The following THBS4 variants were observed in gnomAD, a reference collection of about 807,000 sequenced individuals.
The protein encoded by THBS4 is thrombospondin 4.
A neutral mutation model predicts 115.7 loss-of-function variants in THBS4; 90 were observed. The ratio of observed to expected loss-of-function variants is 0.78; its 90% confidence interval spans 0.66 to 0.93. THBS4 has a LOEUF of 0.93. Ranked by LOEUF, THBS4 falls within the 40% of genes least tolerant of loss-of-function variation. The probability of loss-of-function intolerance (pLI) is 0.00; values close to 1 mark genes in which losing one functional copy is unlikely to be tolerated. For synonymous variants in THBS4, 460 were observed against 479.3 expected (o/e 0.96, Z 0.53); for missense variants, 1,087 against 1,232.7 (o/e 0.88, Z 1.77).
intron 2 of THBS4, among the ~76,000 whole-genome samples, chr5:80,044,250 T>A (rs1394337606): frequency 6.6e-6 from 1 of 152,168 alleles, no homozygotes; most frequent in Non-Finnish European, 1.5e-5. Flanking sequence ...CCCTTATCTT[T>A]GCATCTGCTG....
chr5:79,997,696 A>C (rs79236442), intron 1 of THBS4, among the ~76,000 whole-genome samples: 2 of 152,206 alleles, frequency 1.3e-5, no homozygotes, highest in Non-Finnish European at 2.9e-5. Context: ...ACAGCAGAAC[A>C]TACATTATTT....
At chr5:80,052,765 G>A (rs1833294935) in intron 2 of THBS4, 1 of 152,216 alleles carries the variant, frequency 6.6e-6, no homozygotes, top group Non-Finnish European at 1.5e-5. Flanking sequence ...CTAATGTGGA[G>A]AAAGCCTTAA....
chr5:80,065,517 G>A (rs200445810), intron 9 of THBS4, 40 bp downstream of exon 9: 24 of 1,576,910 alleles, frequency 1.5e-5, no homozygotes, highest in African/African-American at 9.4e-5. Context: ...AAGCAGAACC[G>A]GTTATTAAAA....
chr5:80,045,484 T>G (rs983696436), intron 2 of THBS4, among the ~76,000 whole-genome samples: 2 of 150,782 alleles, frequency 1.3e-5, no homozygotes, highest in African/African-American at 2.4e-5. Context: ...CAATAATAAG[T>G]GGAAAAAATG....
chr5:79,996,006 G>A (rs372532477), intron 1 of THBS4, among the ~76,000 whole-genome samples: 81 of 151,468 alleles, frequency 5.3e-4, no homozygotes, highest in African/African-American at 1.4e-3. Flanking sequence ...ATGTGGTGGC[G>A]CACACCTGTA....
intron 2 of THBS4, among the ~76,000 whole-genome samples, chr5:80,042,985 A>T (rs1832953812): frequency 6.6e-6 from 1 of 152,118 alleles, no homozygotes; most frequent in African/African-American, 2.4e-5. Context: ...AAGAAAAAAA[A>T]AATTAGAGGA....
chr5:80,028,254 T>C (rs1832519002), intron 2 of THBS4, among the ~76,000 whole-genome samples: 1 of 151,994 alleles, frequency 6.6e-6, no homozygotes. Context: ...CACTTCCTAT[T>C]CTGTCATCCT....
chr5:79,992,611 C>A (rs1020086864), intron 1 of THBS4, among the ~76,000 whole-genome samples: 2 of 152,252 alleles, frequency 1.3e-5, no homozygotes, highest in South Asian at 4.2e-4. Flanking sequence ...TTAAAACTGT[C>A]GAAACATTTA....
chr5:80,028,846 T>C (rs1245998804), intron 2 of THBS4, among the ~76,000 whole-genome samples: 1 of 152,142 alleles, frequency 6.6e-6, no homozygotes, highest in Non-Finnish European at 1.5e-5. Context: ...ATACTAGTGT[T>C]CCCCAGTGTT....
At chr5:80,044,426 T>G (rs554113296) in intron 2 of THBS4, among the ~76,000 whole-genome samples, 20 of 151,706 alleles carry the variant, frequency 1.3e-4, no homozygotes, top group African/African-American at 4.8e-4. Context: ...AAAAAAAAAT[T>G]ATTTATTTAT....
intron 1 of THBS4, among the ~76,000 whole-genome samples, chr5:79,995,667 A>G (rs1401006305): frequency 6.6e-6 from 1 of 152,188 alleles, no homozygotes; most frequent in Admixed American, 6.5e-5. Flanking sequence ...GAGCTTGAGC[A>G]GCGGGGCTGG....
upstream of THBS4, chr5:80,033,285 G>A (rs551604349): frequency 5.8e-5 from 20 of 342,896 alleles, no homozygotes; most frequent in African/African-American, 3.1e-4. Flanking sequence ...CCAGCAGCAC[G>A]TGGTGCATTG....
At chr5:80,079,784 C>T in intron 19 of THBS4, 121 bp from the exon 20 acceptor site, 3 of 1,063,466 alleles carry the variant, frequency 2.8e-6, no homozygotes, top group Non-Finnish European at 4.1e-6. Context: ...ATGCTTTGTT[C>T]TGAATCCAAG....
chr5:80,068,954 T>C (rs1254660595), intron 10 of THBS4, among the ~76,000 whole-genome samples: 1 of 152,104 alleles, frequency 6.6e-6, no homozygotes, highest in African/African-American at 2.4e-5. Context: ...CAGCCTGCCA[T>C]CCATTCCCAA....
At chr5:80,060,543 T>C (rs140412206) in intron 7 of THBS4, among the ~76,000 whole-genome samples, 6 of 152,122 alleles carry the variant, frequency 3.9e-5, no homozygotes, top group African/African-American at 1.2e-4. Flanking sequence ...GAGGATCACA[T>C]GAGCCCAGGA....
chr5:80,023,330 C>T (rs1832415481), intron 2 of THBS4, among the ~76,000 whole-genome samples: 1 of 152,182 alleles, frequency 6.6e-6, no homozygotes, highest in Non-Finnish European at 1.5e-5. Flanking sequence ...GTAACACACA[C>T]TCCACCTGAG....
intron 2 of THBS4, among the ~76,000 whole-genome samples, chr5:80,016,750 GATTTGC>G (rs1427461935): frequency 6.6e-6 from 1 of 152,096 alleles, no homozygotes; most frequent in African/African-American, 2.4e-5. Flanking sequence ...TCCTGTTAGT[GATTTGC>G]ACTGCCCGCA....
chr5:80,046,442 A>G (rs1471754134), intron 2 of THBS4, among the ~76,000 whole-genome samples: 1 of 152,244 alleles, frequency 6.6e-6, no homozygotes, highest in African/African-American at 2.4e-5. Flanking sequence ...CATTTTTATA[A>G]AGAAGGGAAG....
In THBS4 at chr5:80,082,505, A is replaced by G. The variant is rs757584863; in HGVS notation, c.2784A>G (p.Gln928=). Residue 928 remains glutamine (Q), a synonymous_variant, in exon 21 of 22, where the codon CAA becomes CAG. Coordinates refer to ENST00000350881, the MANE Select transcript of THBS4 (RefSeq NM_003248.6). ...GGRLGVFCFS[Q]ENIIWSNLKY... ...GACTTGGCGTTTTCTGCTTCTCTCA[A>G]GAAAACATCATCTGGTCCAACCTCA... The G allele has an allele frequency of 6.2e-7, 1 of 1,614,208 alleles. No individual in the cohort carries two copies.
Sources: allele counts gnomAD v4.1 joint callset (sites outside exome capture counted in the v4.1 genomes callset), GRCh38; gene constraint gnomAD v4.1.1; transcripts MANE v1.5; gene names NCBI Gene and HGNC (gene_info 2026-07-23, HGNC 2026-07-21).